The following PTPRR variants were observed in gnomAD, a reference collection of about 807,000 sequenced individuals.
PTPRR encodes receptor-type tyrosine-protein phosphatase R.
A neutral mutation model predicts 77.2 loss-of-function variants in PTPRR; 38 were observed. The ratio of observed to expected loss-of-function variants is 0.49; its 90% CI spans 0.38 to 0.65. The LOEUF (loss-of-function observed/expected upper bound fraction) is 0.65. Among genes scored for constraint, PTPRR ranks in the 30% least tolerant of loss-of-function variants. The pLI is 0.00. For synonymous variants in PTPRR, 299 were observed against 283.1 expected, an observed-to-expected ratio of 1.06 and a Z score of -0.57; for missense variants, 744 against 799.2, an observed-to-expected ratio of 0.93 and a Z score of 0.83.
intron 10 of PTPRR, chr12:70,664,708 GTTTT>G (rs945609445): frequency 6.6e-6 from 1 of 151,928 alleles, no homozygotes; most frequent in African/African-American, 2.4e-5. Context: ...CCTCTTGAAT[GTTTT>G]TTTTGACTCG....
intron 10 of PTPRR, chr12:70,672,878 C>G: frequency 6.4e-7 from 1 of 1,557,886 alleles, no homozygotes; most frequent in Non-Finnish European, 8.7e-7. Context: ...CTGCACAGGC[C>G]CTGGTCATAG....
At chr12:70,657,555 T>C (rs1268034330) in intron 12 of PTPRR, among the ~76,000 whole-genome samples, 2 of 152,206 alleles carry the variant, frequency 1.3e-5, no homozygotes, top group Non-Finnish European at 2.9e-5. Flanking sequence ...ACAGTCTCTA[T>C]GTAAAAGATT....
At chr12:70,908,584 C>T (rs1458956238) in intron 1 of PTPRR, among the ~76,000 whole-genome samples, 2 of 152,184 alleles carry the variant, frequency 1.3e-5, no homozygotes, top group African/African-American at 4.8e-5. Flanking sequence ...ATTCAATTAT[C>T]TCCACCTGGT....
chr12:70,919,620 T>C (rs1275046783), intron 1 of PTPRR, among the ~76,000 whole-genome samples: 1 of 151,214 alleles, frequency 6.6e-6, no homozygotes, highest in Non-Finnish European at 1.5e-5. Flanking sequence ...CCTTATCAAA[T>C]CTGTCCGAGG....
chr12:70,803,950 C>T (rs1264711676), intron 2 of PTPRR, among the ~76,000 whole-genome samples: 2 of 151,884 alleles, frequency 1.3e-5, no homozygotes, highest in African/African-American at 4.8e-5. Flanking sequence ...GATGGCGGGT[C>T]TAGGATAAGA....
chr12:70,917,939 C>A (rs1329449076), intron 1 of PTPRR, among the ~76,000 whole-genome samples: 1 of 152,184 alleles, frequency 6.6e-6, no homozygotes, highest in Non-Finnish European at 1.5e-5. Context: ...ATTAGCTTTA[C>A]AGTTAAAGAG....
chr12:70,783,668 C>T (rs1207138393), intron 2 of PTPRR, among the ~76,000 whole-genome samples: 1 of 151,918 alleles, frequency 6.6e-6, no homozygotes, highest in Non-Finnish European at 1.5e-5. Context: ...CTGGCGGCCC[C>T]GGACCCCAGG....
At position 70,892,556 on chromosome 12, in the gene PTPRR, C is replaced by T. The variant is rs1034506096; in HGVS notation, c.357+123G>A. On this transcript the variant is annotated intron_variant, in intron 2 of 13. Coordinates refer to ENST00000283228, the MANE Select transcript of PTPRR (RefSeq NM_002849.4). ...AATTAGAAGTACCACAGAATAAGTG[C>T]TGTGGTACATACCCGTTGGGATTCA... 2.0e-5 allele frequency: 23 copies of T among 1,139,754 alleles called. No homozygotes were observed. In the Admixed American group the frequency reaches 3.9e-4, roughly 19 times the overall value. 70.6% of individuals were successfully genotyped at this position (1,139,754 alleles called of 1,614,324 possible).
At chr12:70,840,194 G>A (rs914342496) in intron 2 of PTPRR, among the ~76,000 whole-genome samples, 1 of 152,110 alleles carries the variant, frequency 6.6e-6, no homozygotes, top group Non-Finnish European at 1.5e-5. Flanking sequence ...TCTGGAGGGG[G>A]AATCTAGTGT....
At chr12:70,814,608 C>G (rs993829191) in intron 2 of PTPRR, among the ~76,000 whole-genome samples, 13 of 152,144 alleles carry the variant, frequency 8.5e-5, no homozygotes, top group Non-Finnish European at 1.8e-4. Flanking sequence ...AGCAGGCTAG[C>G]AGGCTCTGGG....
At chr12:70,905,446 T>TA (rs1893607130) in intron 1 of PTPRR, among the ~76,000 whole-genome samples, 1 of 151,908 alleles carries the variant, frequency 6.6e-6, no homozygotes, top group African/African-American at 2.4e-5. Context: ...ACAGAATGTT[T>TA]AGTAAGTAGC....
intron 6 of PTPRR, among the ~76,000 whole-genome samples, chr12:70,716,013 G>T (rs994480054): frequency 6.6e-6 from 1 of 152,162 alleles, no homozygotes; most frequent in Non-Finnish European, 1.5e-5. Context: ...ACAGGCATAA[G>T]AAATTATAAA....
At chr12:70,899,929 C>CTGACCCAAAAATAAAATACT (rs1893502289) in intron 1 of PTPRR, among the ~76,000 whole-genome samples, 1 of 151,448 alleles carries the variant, frequency 6.6e-6, no homozygotes, top group East Asian at 1.9e-4. Flanking sequence ...AAAAAACAAA[C>CTGACCCAAAAATAAAATACT]TGACCCAAAA....
chr12:70,858,297 A>G (rs1310336009), intron 2 of PTPRR, among the ~76,000 whole-genome samples: 5 of 152,040 alleles, frequency 3.3e-5, no homozygotes, highest in Non-Finnish European at 5.9e-5. Context: ...ATTTCCTCCA[A>G]TAAATCTCTT....
chr12:70,871,391 G>A (rs1200183372), intron 2 of PTPRR, among the ~76,000 whole-genome samples: 1 of 152,116 alleles, frequency 6.6e-6, no homozygotes, highest in African/African-American at 2.4e-5. Flanking sequence ...CACTCTGACT[G>A]CTCACATCTC....
chr12:70,911,301 A>T (rs1893695520), intron 1 of PTPRR, among the ~76,000 whole-genome samples: 1 of 152,160 alleles, frequency 6.6e-6, no homozygotes, highest in Non-Finnish European at 1.5e-5. Flanking sequence ...GAGAAGAAGG[A>T]TGGCCAGAGG....
chr12:70,782,520 T>A (rs1264246570), intron 2 of PTPRR, among the ~76,000 whole-genome samples: 1 of 152,056 alleles, frequency 6.6e-6, no homozygotes, highest in Non-Finnish European at 1.5e-5. Flanking sequence ...TAAAAAAGGA[T>A]GAGTTCATGT....
At chr12:70,874,844 C>T (rs1893022326) in intron 2 of PTPRR, among the ~76,000 whole-genome samples, 1 of 150,472 alleles carries the variant, frequency 6.6e-6, no homozygotes. Flanking sequence ...ATCGCTTGAA[C>T]CCAGGAGGAG....
At chr12:70,892,644 C>T in intron 2 of PTPRR, 35 bp downstream of exon 2, 1 of 1,601,948 alleles carries the variant, frequency 6.2e-7, no homozygotes, top group Non-Finnish European at 8.5e-7. Flanking sequence ...AAAGAATCAA[C>T]ATCAGCCTCA....
Sources: gnomAD v4.1 joint callset for allele counts (sites outside exome capture counted in the v4.1 genomes callset) on GRCh38, gnomAD v4.1.1 for gene constraint, MANE v1.5 for transcripts, NCBI Gene and HGNC (gene_info 2026-07-23, HGNC 2026-07-21) for gene names.